The following RGS6 variants were observed in gnomAD, a reference collection of about 807,000 sequenced individuals.
RGS6 encodes the protein regulator of G-protein signaling 6.
A neutral mutation model predicts 78.5 loss-of-function variants in RGS6; 30 were observed. The observed-to-expected ratio is 0.38, with a 90% CI of 0.29 to 0.52. RGS6 has a LOEUF of 0.52. Ranked by LOEUF, RGS6 falls within the 20% of genes least tolerant of loss-of-function variation. The pLI, the probability that RGS6 is intolerant of heterozygous loss-of-function variation, is 0.85. For missense variants in RGS6, 495 were observed against 609.7 expected (o/e 0.81, Z 1.98); for synonymous variants, 206 against 206.0 (o/e 1.00, Z 0.00).
intron 2 of RGS6, among the ~76,000 whole-genome samples, chr14:72,270,069 C>T (rs955723887): frequency 4.6e-5 from 7 of 152,178 alleles, no homozygotes; most frequent in African/African-American, 7.2e-5. Context: ...AAGCCCTGTG[C>T]ACAGAGAACC....
At chr14:72,363,999 T>TAAAAAAAAAA (rs55943058) in intron 3 of RGS6, among the ~76,000 whole-genome samples, 780 of 46,804 alleles carry the variant, frequency 0.017, 126 homozygotes, top group African/African-American at 0.024. Context: ...TGGACAAGGC[T>TAAAAAAAAAA]AAAAAAAAAA....
chr14:71,953,701 A>G (rs2092543864), intron 1 of RGS6, among the ~76,000 whole-genome samples: 1 of 152,090 alleles, frequency 6.6e-6, no homozygotes, highest in Non-Finnish European at 1.5e-5. Flanking sequence ...AAAAGGGTCT[A>G]TTTTTTTCTT....
the RGS6 span, among the ~76,000 whole-genome samples, chr14:72,580,412 C>A: frequency 6.6e-6 from 1 of 151,604 alleles, no homozygotes; most frequent in Non-Finnish European, 1.5e-5. Flanking sequence ...TTGCTCTGAC[C>A]TGTAGCCCTG....
At chr14:72,288,339 T>C (rs1055360097) in intron 2 of RGS6, among the ~76,000 whole-genome samples, 4 of 152,224 alleles carry the variant, frequency 2.6e-5, no homozygotes, top group African/African-American at 9.6e-5. Context: ...AATATCACCA[T>C]AATACTGAAA....
At chr14:72,374,687 A>C (rs981624264) in intron 3 of RGS6, among the ~76,000 whole-genome samples, 7 of 152,250 alleles carry the variant, frequency 4.6e-5, no homozygotes, top group Non-Finnish European at 7.3e-5. Flanking sequence ...AGGATAAGTC[A>C]GCAAAGAGCA....
At chr14:72,525,898 C>T (rs928580907) in intron 15 of RGS6, among the ~76,000 whole-genome samples, 8 of 152,116 alleles carry the variant, frequency 5.3e-5, no homozygotes, top group Non-Finnish European at 1.0e-4. Context: ...AGATGAACAG[C>T]AGAGGGAGGG....
chr14:72,271,216 A>G (rs896685353), intron 2 of RGS6, among the ~76,000 whole-genome samples: 4 of 152,184 alleles, frequency 2.6e-5, no homozygotes, highest in African/African-American at 9.7e-5. Flanking sequence ...TAAAGGAAAG[A>G]GGTTTAATGG....
intron 15 of RGS6, among the ~76,000 whole-genome samples, chr14:72,520,967 C>G (rs1325573462): frequency 2.0e-5 from 3 of 152,172 alleles, no homozygotes; most frequent in Non-Finnish European, 2.9e-5. Flanking sequence ...CCTGATTCCT[C>G]TTAGTGAGAA....
At chr14:72,603,592 A>G in the RGS6 span, among the ~76,000 whole-genome samples, 1 of 152,264 alleles carries the variant, frequency 6.6e-6, no homozygotes, top group African/African-American at 2.4e-5. Context: ...GGCATTCAAC[A>G]GTGAACAAGA....
At chr14:72,307,905 T>C (rs188403669) in intron 2 of RGS6, among the ~76,000 whole-genome samples, 1 of 152,216 alleles carries the variant, frequency 6.6e-6, no homozygotes, top group Admixed American at 6.5e-5. Flanking sequence ...TGTTTTAGAG[T>C]TTAGTTTATA....
the RGS6 span, among the ~76,000 whole-genome samples, chr14:72,601,752 C>G: frequency 6.6e-6 from 1 of 152,224 alleles, no homozygotes; most frequent in Non-Finnish European, 1.5e-5. Context: ...TAAAACTCTC[C>G]TCCATACTGG....
At chr14:72,550,479 A>T in intron 17 of RGS6, 1 of 1,535,712 alleles carries the variant, frequency 6.5e-7, no homozygotes, top group Non-Finnish European at 8.7e-7. Context: ...TCAAGCAAGG[A>T]CCGAAAGCCT....
At chr14:72,456,826 G>A (rs995811918) in intron 4 of RGS6, among the ~76,000 whole-genome samples, 3 of 151,834 alleles carry the variant, frequency 2.0e-5, no homozygotes, top group Admixed American at 6.6e-5. Flanking sequence ...GCCTGTAATC[G>A]CAGCTCTTTG....
At chr14:72,273,974 A>G (rs1269831409) in intron 2 of RGS6, among the ~76,000 whole-genome samples, 1 of 152,138 alleles carries the variant, frequency 6.6e-6, no homozygotes, top group Non-Finnish European at 1.5e-5. Context: ...ATTTAGAACC[A>G]TTTGTTTCTG....
At position 72,127,929 on chromosome 14, in the gene RGS6, C is replaced by A. The variant is rs114024802; in HGVS notation, c.84+163054C>A. 8.7e-3 allele frequency among the ~76,000 whole-genome samples: 1,087 copies of A among 124,986 alleles called. 12 individuals are homozygous for A. Among genetic ancestry groups the A allele is most frequent in the African/African-American group, 0.027 (1,040 of 38,576 alleles). The allele number at this position is 124,986 out of a possible 152,430, so 82.0% of individuals were successfully genotyped here. A position where few individuals can be genotyped will look rare whatever the true frequency, so the allele number is the denominator to read the frequency against. On this transcript the variant is annotated intron_variant, in intron 2 of 17. Transcript: ENST00000553525. ...ATAAATGGGATCATATAATATGTAACCTTTGAGATTTTTTTTTCCCTCAGC... is the reference window on the plus strand; with the variant it reads ...ATAAATGGGATCATATAATATGTAAACTTTGAGATTTTTTTTTCCCTCAGC...
intron 2 of RGS6, among the ~76,000 whole-genome samples, chr14:72,158,623 A>G (rs948037974): frequency 1.9e-4 from 29 of 152,152 alleles, no homozygotes; most frequent in African/African-American, 7.0e-4. Flanking sequence ...TACCTGTTAT[A>G]TCATCACTAG....
At chr14:72,595,146 G>A in the RGS6 span, 6 of 152,006 alleles carry the variant, frequency 3.9e-5, no homozygotes, top group Admixed American at 6.5e-5. Flanking sequence ...ACTAAGATAC[G>A]GAAGAGTGGT....
At chr14:72,404,107 A>G (rs1596964917) in intron 3 of RGS6, among the ~76,000 whole-genome samples, 2 of 152,238 alleles carry the variant, frequency 1.3e-5, no homozygotes, top group Non-Finnish European at 2.9e-5. Context: ...TGTTGCTCGC[A>G]TGGCATGAGG....
In RGS6 at chr14:72,563,084, G is replaced by T; in HGVS notation, c.*617G>T. 1 of 392,424 alleles carries T rather than the reference G, an allele frequency of 2.5e-6. No individual in the cohort carries two copies. Among genetic ancestry groups the T allele is most frequent in the Non-Finnish European group, 4.8e-6 (1 of 208,318 alleles). The allele number at this position is 392,424 out of a possible 1,614,324, so 24.3% of individuals were successfully genotyped here. A position where few individuals can be genotyped will look rare whatever the true frequency, so the allele number is the denominator to read the frequency against. The stretch of plus-strand genomic sequence containing the variant: ...AACCTCACGGATTGCCCCGCCTCAA[G>T]GTCTTTCCACCCTCTTTGAGATCAG... On this transcript the variant is annotated 3_prime_UTR_variant, in exon 18 of 18. Coordinates refer to ENST00000553525, the MANE Select transcript of RGS6 (RefSeq NM_001204424.2).
Sources: allele counts gnomAD v4.1 joint callset (sites outside exome capture counted in the v4.1 genomes callset), GRCh38; gene constraint gnomAD v4.1.1; transcripts MANE v1.5; gene names NCBI Gene and HGNC (gene_info 2026-07-23, HGNC 2026-07-21).